Variants in NUCB1 observed in about 807,000 individuals in gnomAD.
NUCB1 encodes the protein nucleobindin-1.
In NUCB1, 47 loss-of-function variants were observed where a neutral mutation model predicts 61.2. That is an observed-to-expected ratio of 0.77 (90% CI 0.61 to 0.98). The LOEUF is 0.98. NUCB1 is among the 50% of genes least tolerant of loss of function. The pLI is 0.00. For missense variants in NUCB1, 583 were observed against 605.3 expected, an observed-to-expected ratio of 0.96 and a Z score of 0.39; for synonymous variants, 234 against 243.1, an observed-to-expected ratio of 0.96 and a Z score of 0.35.
Position 48,922,564 on chromosome 19 carries a change from C to T in NUCB1, c.*140C>T, listed in dbSNP as rs1453164592. The stretch of plus-strand genomic sequence containing the variant: ...CGGGGGCACGGCCTGGCATTTCACG[C>T]ATTGCTGCCACCCCAGGTCCACCTG... On this transcript the variant is annotated 3_prime_UTR_variant, in exon 13 of 13. Transcript: ENST00000405315. 3.1e-6 allele frequency: 2 copies of T among 649,194 alleles called. No individual in the cohort carries two copies. Among genetic ancestry groups the T allele is most frequent in the East Asian group, 5.5e-5 (2 of 36,140 alleles). 40.2% of individuals were successfully genotyped at this position (649,194 alleles called of 1,614,324 possible).
chr19:48,902,661 C>T (rs970336576), intron 2 of NUCB1, among the ~76,000 whole-genome samples: 4 of 151,946 alleles, frequency 2.6e-5, no homozygotes, highest in Admixed American at 6.6e-5. Flanking sequence ...TTGCCCGCCT[C>T]GGCCTCCCAA....
chr19:48,916,750 T>G (rs183438717), intron 7 of NUCB1, among the ~76,000 whole-genome samples: 1 of 152,152 alleles, frequency 6.6e-6, no homozygotes, highest in East Asian at 1.9e-4. Context: ...ACCCCGTCTC[T>G]ACTAAAAATA....
chr19:48,912,019 CTT>C (rs60333122), intron 5 of NUCB1, among the ~76,000 whole-genome samples: 146 of 128,550 alleles, frequency 1.1e-3, no homozygotes, highest in Middle Eastern at 4.0e-3. Context: ...TTTATTTTTA[CTT>C]TTTTTTTTTT....
chr19:48,901,673 G>A (rs894610260), intron 2 of NUCB1, among the ~76,000 whole-genome samples: 2 of 152,224 alleles, frequency 1.3e-5, no homozygotes, highest in Non-Finnish European at 2.9e-5. Flanking sequence ...GCTGAGGCAC[G>A]AATTCTCGTG....
chr19:48,922,348 A>G lies in NUCB1; in HGVS notation c.1310A>G (p.Asp437Gly). 1 of 1,613,738 alleles carries G rather than the reference A, an allele frequency of 6.2e-7. No homozygotes were observed. Among genetic ancestry groups the G allele is most frequent in the Non-Finnish European group, 8.5e-7 (1 of 1,179,800 alleles). The change falls in exon 13 of 13, where the codon GAC (aspartate) becomes GGC (glycine). Residue 437 changes from aspartate (D) to glycine (G), a missense_variant. Transcript: ENST00000405315. ...DDVPVPAPAG[D>G]QKEVDTSEKK... is the part of the protein sequence containing the mutation. ...GTACCTGTCCCAGCTCCAGCCGGTG[A>G]CCAGAAGGAGGTGGACACTTCAGAA...
At position 48,919,187 on chromosome 19, in the gene NUCB1, T is replaced by C. The variant is rs766476911; in HGVS notation, c.910-7T>C. The C allele has an allele frequency of 1.2e-6, 2 of 1,613,940 alleles. No individual in the cohort carries two copies. Among genetic ancestry groups the C allele is most frequent in the Non-Finnish European group, 1.7e-6 (2 of 1,179,904 alleles). ...GCTCTGTCACTCACCCTTATCTGGC[T>C]CCCCAGGTGGACACCAACCAGGACC... On this transcript the variant is annotated splice_region_variant and splice_polypyrimidine_tract_variant and intron_variant, in intron 9 of 12. Coordinates refer to ENST00000405315, the MANE Select transcript of NUCB1 (RefSeq NM_006184.6).
Position 48,922,401 on chromosome 19 carries a change from G to T in NUCB1, c.1363G>T (p.Val455Phe). 1.2e-6 allele frequency: 2 copies of T among 1,613,806 alleles called. No homozygotes were observed. The highest frequency in any genetic ancestry group is 1.7e-6 in the Non-Finnish European group (2 of 1,179,752). ...GAAACTTCTCGAGCGGCTCCCTGAG[G>T]TTGAGGTGCCCCAGCATCTGTGATC... ...EKKLLERLPE[V>F]EVPQHL Residue 455 changes from valine (V) to phenylalanine (F), a missense_variant, in exon 13 of 13, where the codon GTT (valine) becomes TTT (phenylalanine). By Grantham distance (50) the Val-to-Phe change is conservative. Transcript: ENST00000405315.
chr19:48,907,848 C>A (rs932198282), intron 4 of NUCB1, among the ~76,000 whole-genome samples: 1 of 152,114 alleles, frequency 6.6e-6, no homozygotes, highest in Non-Finnish European at 1.5e-5. Flanking sequence ...CCCGTATGCA[C>A]CCTGACCTTC....
In NUCB1 at chr19:48,901,967, T is replaced by A. The variant is rs375696815; in HGVS notation, c.135+1036T>A. Reference sequence around the variant, plus strand: ...AGCACCTTCTATGAGCCGGGCATAGTGTTGCCTATGTGTTGCATAGTTGTT... The same window carrying A: ...AGCACCTTCTATGAGCCGGGCATAGAGTTGCCTATGTGTTGCATAGTTGTT... On this transcript the variant is annotated intron_variant, in intron 2 of 12. Transcript: ENST00000405315. Among the ~76,000 whole-genome samples the A allele has an allele frequency of 2.0e-5, 3 of 152,252 alleles. No individual in the cohort carries two copies. The South Asian group carries it at 6.2e-4, about 32-fold the overall frequency.
intron 2 of NUCB1, among the ~76,000 whole-genome samples, chr19:48,903,392 A>AG (rs1160240252): frequency 0.16 from 14,875 of 91,384 alleles, 2,824 homozygotes; most frequent in African/African-American, 0.32. Flanking sequence ...ATGGATGGGC[A>AG]GTTGGATGGA....
intron 7 of NUCB1, among the ~76,000 whole-genome samples, chr19:48,917,086 G>A (rs940290414): frequency 4.0e-5 from 6 of 151,808 alleles, no homozygotes; most frequent in Non-Finnish European, 8.8e-5. Flanking sequence ...AGCTGGGTGT[G>A]GTGGCGTGCA....
chr19:48,905,201 G>A (rs922871817), intron 3 of NUCB1, among the ~76,000 whole-genome samples: 2 of 152,154 alleles, frequency 1.3e-5, no homozygotes, highest in Admixed American at 6.5e-5. Flanking sequence ...GGAGGGCTGC[G>A]TCAACAGAAT....
intron 4 of NUCB1, among the ~76,000 whole-genome samples, chr19:48,910,418 G>T (rs2037459601): frequency 6.6e-6 from 1 of 150,488 alleles, no homozygotes; most frequent in Non-Finnish European, 1.5e-5. Flanking sequence ...GGGCGTGGTG[G>T]CTCACACCTG....
At chr19:48,920,382 A>G (rs1600069166) in intron 10 of NUCB1, among the ~76,000 whole-genome samples, 1 of 152,148 alleles carries the variant, frequency 6.6e-6, no homozygotes, top group East Asian at 1.9e-4. Context: ...GCTGGAGTGC[A>G]GTGGTGTAAT....
intron 2 of NUCB1, chr19:48,901,242 G>A: frequency 2.0e-6 from 1 of 505,428 alleles, no homozygotes; most frequent in Non-Finnish European, 3.6e-6. Flanking sequence ...CATGTTGCTA[G>A]TTCCCAGTAG....
At chr19:48,918,518 A>T (rs1044734282) in intron 7 of NUCB1, 1 of 597,640 alleles carries the variant, frequency 1.7e-6, no homozygotes, top group African/African-American at 1.9e-5. Context: ...GATCTATTCC[A>T]TTCTCAACCC....
intron 7 of NUCB1, among the ~76,000 whole-genome samples, chr19:48,915,917 G>A (rs1249512488): frequency 6.6e-6 from 1 of 152,038 alleles, no homozygotes; most frequent in Non-Finnish European, 1.5e-5. Context: ...CTGAGTAGCT[G>A]AGACTGCAGG....
Position 48,921,174 on chromosome 19 carries a change from C to G in NUCB1, c.1023C>G (p.Ala341=). The change falls in exon 11 of 13, where the codon GCC becomes GCG. Residue 341 remains alanine (A), a synonymous_variant. Transcript: ENST00000405315. The part of the protein sequence containing the change: ...EGWETVEMHP[A]YTEEELRRFE... ...TGCAGACAGTGGAGATGCACCCTGC[C>G]TACACCGAGGAAGAGCTGAGGCGCT... The G allele has an allele frequency of 6.2e-7, 1 of 1,612,076 alleles. No individual in the cohort carries two copies. Among genetic ancestry groups the G allele is most frequent in the Non-Finnish European group, 8.5e-7 (1 of 1,179,022 alleles).
At chr19:48,912,250 T>G (rs1358189798) in intron 5 of NUCB1, among the ~76,000 whole-genome samples, 1 of 151,996 alleles carries the variant, frequency 6.6e-6, no homozygotes, top group Non-Finnish European at 1.5e-5. Flanking sequence ...AGTCTTGAAC[T>G]CCCGGGCTCG....
Sources: gnomAD v4.1 joint callset for allele counts (sites outside exome capture counted in the v4.1 genomes callset) on GRCh38, gnomAD v4.1.1 for gene constraint, MANE v1.5 for transcripts, NCBI Gene and HGNC (gene_info 2026-07-23, HGNC 2026-07-21) for gene names.